PNPLA5: variants seen among roughly 807,000 people sequenced by gnomAD.
PNPLA5 encodes the protein patatin-like phospholipase domain-containing protein 5.
Under a neutral mutation model 49.1 loss-of-function variants are expected in PNPLA5, and 44 were observed. The observed-to-expected ratio is 0.90, with a 90% CI of 0.70 to 1.15. The LOEUF (loss-of-function observed/expected upper bound fraction) is 1.15, where lower values mean the gene tolerates loss of function less well. Ranked by LOEUF, PNPLA5 falls within the 50% of genes most tolerant of loss-of-function variation. The probability of loss-of-function intolerance (pLI) is 0.00; values close to 1 mark genes in which losing one functional copy is unlikely to be tolerated. For missense variants in PNPLA5, 603 were observed against 564.0 expected (o/e 1.07, Z -0.70); for synonymous variants, 243 against 244.4 (o/e 0.99, Z 0.06).
rs2049699978 is a variant in PNPLA5, at chr22:43,889,458, C to T, written c.573G>A (p.Gly191=). Reference sequence around the variant, plus strand: ...TGCTCTGGGGGCAGATGTCCACTGTCCCATGGAAGGGCGACACCGTGATGG... The same window carrying T: ...TGCTCTGGGGGCAGATGTCCACTGTTCCATGGAAGGGCGACACCGTGATGG... ...PSTITVSPFH[G]TVDICPQSTS... is the part of the protein sequence containing the mutation. The change falls in exon 4 of 9, where the codon GGG becomes GGA. Residue 191 remains glycine (G), a synonymous_variant. Coordinates refer to ENST00000216177, the MANE Select transcript of PNPLA5 (RefSeq NM_138814.4). 6.2e-7 allele frequency: 1 copy of T among 1,613,906 alleles called. No individual in the cohort carries two copies. The highest frequency in any genetic ancestry group is 1.1e-5 in the South Asian group (1 of 91,060).
At chr22:43,881,820 C>A in intron 7 of PNPLA5, 146 bp from the exon 8 acceptor site, 1 of 1,416,918 alleles carries the variant, frequency 7.1e-7, no homozygotes, top group Non-Finnish European at 9.3e-7. Flanking sequence ...GCAGCGTTGG[C>A]CACTGTTGCA....
intron 6 of PNPLA5, among the ~76,000 whole-genome samples, chr22:43,886,040 T>C (rs952304792): frequency 5.9e-5 from 9 of 152,224 alleles, no homozygotes; most frequent in African/African-American, 7.2e-5. Context: ...CTCTGAGCCC[T>C]TGGTGAGTCC....
chr22:43,889,612 C>A (rs777540684), intron 3 of PNPLA5, 74 bp from the exon 4 acceptor site: 2 of 1,542,434 alleles, frequency 1.3e-6, no homozygotes, highest in Non-Finnish European at 1.7e-6. Flanking sequence ...AGCCGGTGAC[C>A]CTCCAGCTGT....
At position 43,891,231 on chromosome 22, in the gene PNPLA5, A is replaced by G. The variant is rs762940819; in HGVS notation, c.257T>C (p.Leu86Pro). 3 of 1,569,686 alleles carry G rather than the reference A, an allele frequency of 1.9e-6. No individual in the cohort carries two copies. In the East Asian group the frequency reaches 6.8e-5, roughly 36 times the overall value. The change falls in exon 2 of 9, where the codon CTG becomes CCG. Residue 86 changes from leucine to proline, a missense_variant. Coordinates refer to ENST00000216177, the MANE Select transcript of PNPLA5 (RefSeq NM_138814.4). ...CTCGATGGGCGCGTAGGCCGGGTGC[A>G]GGATGCTTAGGCTCAGCCGCTCCAA... ...GQLERLSLSILHPAYAPIEHV... is the reference protein window; with the variant it reads ...GQLERLSLSIPHPAYAPIEHV...
rs1048703606 is a variant in PNPLA5, at chr22:43,891,225, G to A, written c.263C>T (p.Pro88Leu). 2.5e-6 allele frequency: 4 copies of A among 1,574,312 alleles called. No individual in the cohort carries two copies. The highest frequency in any genetic ancestry group is 2.7e-5 in the African/African-American group (2 of 74,274). The change falls in exon 2 of 9, where the codon CCG becomes CTG. Residue 88 changes from proline to leucine, a missense_variant. Pro to Leu is a moderately conservative substitution (Grantham distance 98). Transcript: ENST00000216177. ...LERLSLSILHPAYAPIEHVKQ... is the reference protein window; with the variant it reads ...LERLSLSILHLAYAPIEHVKQ... ...GACGTGCTCGATGGGCGCGTAGGCC[G>A]GGTGCAGGATGCTTAGGCTCAGCCG...
Position 43,891,742 on chromosome 22 carries a change from C to T in PNPLA5, c.139G>A (p.Gly47Ser), listed in dbSNP as rs376481832. 8.5e-5 allele frequency: 131 copies of T among 1,545,770 alleles called. No individual in the cohort carries two copies. The highest frequency in any genetic ancestry group is 1.1e-4 in the Non-Finnish European group (121 of 1,145,328). Residue 47 changes from glycine to serine, a missense_variant, in exon 1 of 9, where the codon GGT becomes AGT. Physicochemically the swap from Gly to Ser is moderately conservative, Grantham distance 56. Transcript: ENST00000216177. The part of the protein sequence containing the change: ...RLLQGARRIY[G>S]SSSGALNAVS... ...GCGTTGAGCGCCCCAGACGAGGAACCGTAGATGCGGCGGGCGCCCTGGAGG... is the reference window on the plus strand; with the variant it reads ...GCGTTGAGCGCCCCAGACGAGGAACTGTAGATGCGGCGGGCGCCCTGGAGG...
intron 7 of PNPLA5, among the ~76,000 whole-genome samples, chr22:43,883,203 C>T (rs1450397337): frequency 6.6e-6 from 1 of 152,226 alleles, no homozygotes; most frequent in South Asian, 2.1e-4. Flanking sequence ...GGCAGCCTTC[C>T]CTGGCCAGAG....
At chr22:43,891,657 C>A in intron 1 of PNPLA5, 31 bp downstream of exon 1, 3 of 1,518,750 alleles carry the variant, frequency 2.0e-6, no homozygotes, top group Non-Finnish European at 2.6e-6. Context: ...GCTGTCCCCG[C>A]CCCTTTTCGC....
chr22:43,881,473 G>T, intron 8 of PNPLA5, 85 bp downstream of exon 8: 1 of 1,373,050 alleles, frequency 7.3e-7, no homozygotes, highest in African/African-American at 1.4e-5. Flanking sequence ...GGCATGGCCG[G>T]CCTACCCAGG....
At position 43,891,155 on chromosome 22, in the gene PNPLA5, C is replaced by T; in HGVS notation, c.333G>A (p.Leu111=). The change falls in exon 2 of 9, where the codon CTG becomes CTA. Residue 111 remains leucine (L), a synonymous_variant. Coordinates refer to ENST00000216177, the MANE Select transcript of PNPLA5 (RefSeq NM_138814.4). ...QDALPPDAHV[L]ASQRLGISLT... ...GCGAAATGCCCAGCCGCTGGGAGGC[C>T]AGGACGTGGGCGTCGGGGGGCAGAG... 1 of 1,602,656 alleles carries T rather than the reference C, an allele frequency of 6.2e-7. No homozygotes were observed. Among genetic ancestry groups the T allele is most frequent in the Non-Finnish European group, 8.5e-7 (1 of 1,172,804 alleles).
At chr22:43,888,565 G>C (rs564641702) in intron 4 of PNPLA5, among the ~76,000 whole-genome samples, 1 of 150,556 alleles carries the variant, frequency 6.6e-6, no homozygotes, top group South Asian at 2.1e-4. Flanking sequence ...TTCCTGAGTA[G>C]CTGGAATTAC....
intron 7 of PNPLA5, 52 bp from the exon 8 acceptor site, chr22:43,881,726 C>T (rs1435943119): frequency 6.3e-7 from 1 of 1,587,044 alleles, no homozygotes; most frequent in South Asian, 1.2e-5. Flanking sequence ...GGTGTGGCCC[C>T]ACCAAGCCCA....
In PNPLA5 at chr22:43,889,394, T is replaced by A. The variant is rs757594940; in HGVS notation, c.637A>T (p.Ser213Cys). The A allele has an allele frequency of 6.2e-7, 1 of 1,613,926 alleles. No individual in the cohort carries two copies. The highest frequency in any genetic ancestry group is 2.2e-5 in the East Asian group (1 of 44,880). ...AAGTTCTCAGTGGAGATTTGGAAGCTGAAGTTGAAGACGTTCAGCTCATGC... is the reference window on the plus strand; with the variant it reads ...AAGTTCTCAGTGGAGATTTGGAAGCAGAAGTTGAAGACGTTCAGCTCATGC... ...NLHELNVFNF[S>C]FQISTENFFL... Residue 213 changes from serine (S) to cysteine (C), a missense_variant, in exon 4 of 9, where the codon AGC becomes TGC. By Grantham distance (112) the Ser-to-Cys change is moderately radical. Transcript: ENST00000216177.
chr22:43,882,267 G>C (rs1180893377), intron 7 of PNPLA5, among the ~76,000 whole-genome samples: 1 of 152,206 alleles, frequency 6.6e-6, no homozygotes, highest in Admixed American at 6.5e-5. Context: ...GATGGAGCCA[G>C]CCCCAGATTC....
rs1417980156 is a variant in PNPLA5, at chr22:43,891,787, G to T, written c.94C>A (p.Arg32Ser). Residue 32 changes from arginine (R) to serine (S), a missense_variant, in exon 1 of 9, where the codon CGC becomes AGC. Arg to Ser is a moderately radical substitution (Grantham distance 110). Coordinates refer to ENST00000216177, the MANE Select transcript of PNPLA5 (RefSeq NM_138814.4). ...TGGAGGAGGCGCGGGGCTCGCTGGC[G>T]CAGGCATTCGGTGGCGCCCACGTGG... ...AHHVGATECL[R>S]QRAPRLLQGA... The T allele has an allele frequency of 2.0e-6, 3 of 1,529,520 alleles. No homozygotes were observed. The highest frequency in any genetic ancestry group is 2.3e-5 in the Admixed American group (1 of 43,970). 94.7% of individuals were successfully genotyped at this position (1,529,520 alleles called of 1,614,324 possible).
intron 1 of PNPLA5, 86 bp from the exon 2 acceptor site, chr22:43,891,380 T>A: frequency 6.9e-7 from 1 of 1,454,800 alleles, no homozygotes; most frequent in Non-Finnish European, 9.0e-7. Flanking sequence ...CTAGGTGCAG[T>A]GGGAGCGGGG....
At position 43,880,378 on chromosome 22, in the gene PNPLA5, C is replaced by A; in HGVS notation, c.*417G>T. 2.5e-6 allele frequency: 1 copy of A among 398,720 alleles called. No individual in the cohort carries two copies. The highest frequency in any genetic ancestry group is 4.4e-6 in the Non-Finnish European group (1 of 226,174). The allele number at this position is 398,720 out of a possible 1,614,324, so 24.7% of individuals were successfully genotyped here. The stretch of plus-strand genomic sequence containing the variant: ...GGACTGAGAAAGTCTGGGGGGAGCA[C>A]CCCCACCCCATCATCTCAGTTGGCT... On this transcript the variant is annotated 3_prime_UTR_variant, in exon 9 of 9. Transcript: ENST00000216177.
chr22:43,881,457 G>T, intron 8 of PNPLA5, 101 bp downstream of exon 8: 1 of 1,212,870 alleles, frequency 8.2e-7, no homozygotes, highest in Non-Finnish European at 1.1e-6. Context: ...AGGTGGGCAG[G>T]CAGATGGCAT....
intron 6 of PNPLA5, among the ~76,000 whole-genome samples, chr22:43,885,238 C>T (rs1360083701): frequency 1.3e-5 from 2 of 152,208 alleles, no homozygotes; most frequent in Admixed American, 6.5e-5. Flanking sequence ...TCAGGGGTTC[C>T]GCACAGGTCC....
Sources: gnomAD v4.1 joint callset for allele counts (sites outside exome capture counted in the v4.1 genomes callset) on GRCh38, gnomAD v4.1.1 for gene constraint, MANE v1.5 for transcripts, NCBI Gene and HGNC (gene_info 2026-07-23, HGNC 2026-07-21) for gene names.